The following ZNF423 variants were observed in gnomAD, a reference collection of about 807,000 sequenced individuals.
ZNF423 encodes the protein Ebf-associated zinc finger protein.
In ZNF423, 12 loss-of-function variants were observed where a neutral mutation model predicts 95.8. That is an observed-to-expected ratio of 0.13 (90% confidence interval 0.08 to 0.20). The LOEUF is 0.20. Among genes scored for constraint, ZNF423 ranks in the 10% least tolerant of loss-of-function variants. The probability of loss-of-function intolerance (pLI) is 1.00; values close to 1 mark genes in which losing one functional copy is unlikely to be tolerated. For synonymous variants in ZNF423, 749 were observed against 711.9 expected, an observed-to-expected ratio of 1.05 and a Z score of -0.83; for missense variants, 1,316 against 1,737.1, an observed-to-expected ratio of 0.76 and a Z score of 4.31.
At chr16:49,856,676 A>G (rs2144146828), upstream of ZNF423, among the ~76,000 whole-genome samples, 1 of 146,712 alleles carries the variant, frequency 6.8e-6, no homozygotes, top group African/African-American at 2.5e-5. Context: ...GGCCCCCCGG[A>G]GGAGGAAGGG....
chr16:49,825,856 C>G (rs1438831816), intron 1 of ZNF423, among the ~76,000 whole-genome samples: 2 of 152,144 alleles, frequency 1.3e-5, no homozygotes, highest in Non-Finnish European at 2.9e-5. Context: ...CGGTTCCAGG[C>G]CCTTTCCGAG....
rs78923751 is a variant in ZNF423 at position 49,518,348 on chromosome 16, C to T, written c.3849+5276G>A. On this transcript the variant is annotated intron_variant, in intron 7 of 7. Coordinates refer to ENST00000563137, the MANE Select transcript of ZNF423 (RefSeq NM_001379286.1). ...CTGAATGTGTCCAGTGACAATCTTT[C>T]CACAAAGAATATCATAAAAATGACA... The T allele has an allele frequency of 6.3e-3, 2,656 of 419,224 alleles. 69 individuals are homozygous for T. The highest frequency in any genetic ancestry group is 0.05 in the African/African-American group (2,428 of 48,400). The allele number at this position is 419,224 out of a possible 1,614,324, so 26.0% of individuals were successfully genotyped here. A position where few individuals can be genotyped will look rare whatever the true frequency, so the allele number is the denominator to read the frequency against.
intron 3 of ZNF423, among the ~76,000 whole-genome samples, 161 bp from the exon 4 acceptor site, chr16:49,639,035 C>T (rs1972875964): frequency 6.6e-6 from 1 of 152,202 alleles, no homozygotes; most frequent in Non-Finnish European, 1.5e-5. Context: ...AAGTGGACAC[C>T]AGGGCCTTCC....
intron 3 of ZNF423, among the ~76,000 whole-genome samples, chr16:49,705,714 A>G (rs974827441): frequency 6.6e-6 from 1 of 152,054 alleles, no homozygotes; most frequent in African/African-American, 2.4e-5. Context: ...CGCCAGGCTA[A>G]TCTTTGTCTT....
chr16:49,560,741 G>A (rs906399070), intron 5 of ZNF423, among the ~76,000 whole-genome samples: 1 of 152,098 alleles, frequency 6.6e-6, no homozygotes, highest in Non-Finnish European at 1.5e-5. Flanking sequence ...GTGCAAACTC[G>A]GTGTAAAAAG....
At chr16:49,576,954 G>A (rs372011711) in intron 5 of ZNF423, among the ~76,000 whole-genome samples, 2 of 152,316 alleles carry the variant, frequency 1.3e-5, no homozygotes, top group Admixed American at 1.3e-4. Context: ...GAATTTGGGG[G>A]CCAGAAACAG....
Position 49,763,575 on chromosome 16 carries a change from ACTT to A in ZNF423, c.100+25909_100+25911del, listed in dbSNP as rs532323491. On this transcript the variant is annotated intron_variant, in intron 2 of 7. Coordinates refer to ENST00000563137, the MANE Select transcript of ZNF423 (RefSeq NM_001379286.1). ...CCCACATGTCCCTCCAAAGGCAGTCACTTCTTCGCCTCTATCACAGACATCCAC... is the reference window on the plus strand; with the variant it reads ...CCCACATGTCCCTCCAAAGGCAGTCACTTCGCCTCTATCACAGACATCCAC... Among the ~76,000 whole-genome samples the A allele has an allele frequency of 3.0e-3, 449 of 152,160 alleles. 5 individuals carry two copies. The highest frequency in any genetic ancestry group is 0.025 in the Admixed American group (384 of 15,280).
intron 3 of ZNF423, among the ~76,000 whole-genome samples, chr16:49,721,737 G>T (rs1203826721): frequency 6.6e-6 from 1 of 152,154 alleles, no homozygotes; most frequent in Non-Finnish European, 1.5e-5. Flanking sequence ...AGGTGGTCAA[G>T]CAGGCTGGGT....
rs192453662 is a variant in ZNF423 at position 49,539,807 on chromosome 16, A to G, written c.3602-14313T>C. On this transcript the variant is annotated intron_variant, in intron 5 of 7. Coordinates refer to ENST00000563137, the MANE Select transcript of ZNF423 (RefSeq NM_001379286.1). The stretch of plus-strand genomic sequence containing the variant: ...AGTCGCCCAGAAATCCTAAAAAAAA[A>G]ACAAAACCAAGTCCTTTGGGACCCC... 2.6e-5 allele frequency among the ~76,000 whole-genome samples: 4 copies of G among 152,216 alleles called. No individual in the cohort carries two copies. In the East Asian group the frequency reaches 7.7e-4, roughly 29 times the overall value.
intron 3 of ZNF423, among the ~76,000 whole-genome samples, chr16:49,640,287 G>A (rs533072506): frequency 3.8e-4 from 58 of 152,024 alleles, no homozygotes; most frequent in Non-Finnish European, 6.8e-4. Context: ...GCATACACAC[G>A]CCTACCTACA....
At chr16:49,677,208 A>G (rs973317882) in intron 3 of ZNF423, among the ~76,000 whole-genome samples, 1 of 115,710 alleles carries the variant, frequency 8.6e-6, no homozygotes. Context: ...ACAGAGCGAG[A>G]CTCCAACATA....
chr16:49,826,009 G>A (rs959574231), intron 1 of ZNF423, among the ~76,000 whole-genome samples: 1 of 152,090 alleles, frequency 6.6e-6, no homozygotes, highest in Non-Finnish European at 1.5e-5. Flanking sequence ...CCAGGAGTTC[G>A]AGACCAGCCT....
chr16:49,525,606 CG>C lies in ZNF423; in HGVS notation c.3602-113del, dbSNP rs1482952128. 1.4e-5 allele frequency: 21 copies of C among 1,474,786 alleles called. No individual in the cohort carries two copies. The East Asian group carries it at 4.6e-4, about 32-fold the overall frequency. 91.4% of individuals were successfully genotyped at this position (1,474,786 alleles called of 1,614,324 possible). ...CTAACCCCCCTCCAATCCCCAGCAC[CG>C]GGGCTGGTGAAGGGACTGCAGACAC... On this transcript the variant is annotated intron_variant, in intron 5 of 7. Transcript: ENST00000563137.
At chr16:49,771,946 G>T (rs150806904) in intron 2 of ZNF423, among the ~76,000 whole-genome samples, 335 of 152,268 alleles carry the variant, frequency 2.2e-3, no homozygotes, top group African/African-American at 7.7e-3. Flanking sequence ...TCCACATATG[G>T]ATATATGGAG....
chr16:49,677,282 A>AGAAGAGAAGAGAAGGGAAGGGAAGG (rs1195080287), intron 3 of ZNF423, among the ~76,000 whole-genome samples: 2 of 81,498 alleles, frequency 2.5e-5, no homozygotes, highest in African/African-American at 4.5e-5. Flanking sequence ...AGAAGAGAAG[A>AGAAGAGAAGAGAAGGGAAGGGAAGG]GAAGAGAAGA....
At chr16:49,680,086 T>G (rs2031285447) in intron 3 of ZNF423, among the ~76,000 whole-genome samples, 1 of 152,192 alleles carries the variant, frequency 6.6e-6, no homozygotes, top group Admixed American at 6.5e-5. Flanking sequence ...GGAAAGGATC[T>G]ACCCACTGCG....
At chr16:49,501,351 G>A (rs1967391729) in intron 7 of ZNF423, among the ~76,000 whole-genome samples, 1 of 152,322 alleles carries the variant, frequency 6.6e-6, no homozygotes, top group South Asian at 2.1e-4. Context: ...GTTGCTTCCG[G>A]TTTTGCAAGA....
intron 5 of ZNF423, among the ~76,000 whole-genome samples, chr16:49,526,924 G>A (rs772179960): frequency 2.0e-5 from 3 of 150,524 alleles, no homozygotes; most frequent in South Asian, 2.1e-4. Context: ...CCAAGGACAC[G>A]GGTTCCCCTT....
chr16:49,517,821 A>G (rs185672349), intron 7 of ZNF423: 27 of 385,024 alleles, frequency 7.0e-5, no homozygotes, highest in Non-Finnish European at 1.3e-4. Flanking sequence ...CTTCTGAGAT[A>G]GATATGCTGC....
Sources: gnomAD v4.1 joint callset for allele counts (sites outside exome capture counted in the v4.1 genomes callset) on GRCh38, gnomAD v4.1.1 for gene constraint, MANE v1.5 for transcripts, NCBI Gene and HGNC (gene_info 2026-07-23, HGNC 2026-07-21) for gene names.